Variants in ZRANB3 observed in about 807,000 individuals in gnomAD.
The protein encoded by ZRANB3 is zinc finger RANBP2-type containing 3, also known as DNA annealing helicase and endonuclease ZRANB3.
In ZRANB3, 125 loss-of-function variants were observed where a neutral mutation model predicts 133.8. The observed-to-expected ratio is 0.93, with a 90% CI of 0.81 to 1.08. The LOEUF (loss-of-function observed/expected upper bound fraction) is 1.08, where lower values mean the gene tolerates loss of function less well. Among genes scored for constraint, ZRANB3 ranks in the 50% least tolerant of loss-of-function variants. ZRANB3 has a pLI of 0.00. For synonymous variants in ZRANB3, 387 were observed against 432.7 expected (o/e 0.89, Z 1.31); for missense variants, 1,229 against 1,275.5 (o/e 0.96, Z 0.56).
chr2:135,510,855 T>C (rs1226289814), intron 1 of ZRANB3: 3 of 1,117,870 alleles, frequency 2.7e-6, no homozygotes, highest in South Asian at 2.5e-5. Context: ...CACGTTCCCA[T>C]AATTTTGAAA....
chr2:135,202,909 T>C lies in ZRANB3; in HGVS notation c.3064A>G (p.Ile1022Val). Reference protein sequence around the residue: ...GEGHFWQVDHIKPVYGGGGQC... With the variant: ...GEGHFWQVDHVKPVYGGGGQC... Reference sequence around the variant, plus strand: ...CCTCCTCCCCCATACACTGGCTTGATGTGATCCACCTGCCAGAAATGTCCT... The same window carrying C: ...CCTCCTCCCCCATACACTGGCTTGACGTGATCCACCTGCCAGAAATGTCCT... The change falls in exon 20 of 21, where the codon ATC becomes GTC. Residue 1022 changes from isoleucine (I) to valine (V), a missense_variant. Coordinates refer to ENST00000264159, the MANE Select transcript of ZRANB3 (RefSeq NM_032143.4). The C allele has an allele frequency of 6.2e-7, 1 of 1,612,638 alleles. No individual in the cohort carries two copies. The highest frequency in any genetic ancestry group is 1.1e-5 in the South Asian group (1 of 90,572).
At chr2:135,394,746 T>C (rs1057148888) in intron 2 of ZRANB3, among the ~76,000 whole-genome samples, 12 of 151,724 alleles carry the variant, frequency 7.9e-5, no homozygotes, top group African/African-American at 1.2e-4. Context: ...AAAAAAAGCC[T>C]TGGAGCACTA....
intron 2 of ZRANB3, among the ~76,000 whole-genome samples, chr2:135,496,540 A>G (rs1692679535): frequency 6.6e-6 from 1 of 152,188 alleles, no homozygotes; most frequent in African/African-American, 2.4e-5. Context: ...AAATATGCAA[A>G]TAAGTATGAC....
intron 8 of ZRANB3, among the ~76,000 whole-genome samples, chr2:135,281,340 T>C (rs1025345750): frequency 2.6e-5 from 4 of 152,086 alleles, no homozygotes; most frequent in Non-Finnish European, 5.9e-5. Flanking sequence ...TCGCATGACC[T>C]TTTAAGCTCT....
chr2:135,506,989 G>C (rs2104825584), intron 1 of ZRANB3, among the ~76,000 whole-genome samples: 1 of 152,266 alleles, frequency 6.6e-6, no homozygotes, highest in South Asian at 2.1e-4. Context: ...ACTTAGCAAG[G>C]AATAGAGAAT....
chr2:135,406,068 C>T (rs1031255683), intron 2 of ZRANB3, among the ~76,000 whole-genome samples: 4 of 152,044 alleles, frequency 2.6e-5, no homozygotes, highest in African/African-American at 9.7e-5. Flanking sequence ...AATTGATAGA[C>T]CGCTAGCAAG....
intron 1 of ZRANB3, among the ~76,000 whole-genome samples, chr2:135,521,534 A>AAAAT (rs148536168): frequency 2.6e-5 from 4 of 152,290 alleles, no homozygotes; most frequent in African/African-American, 9.6e-5. Context: ...CTTCGTCTCA[A>AAAAT]AAATAAATAA....
intron 15 of ZRANB3, 79 bp from the exon 16 acceptor site, chr2:135,219,257 T>G: frequency 1.1e-6 from 1 of 945,752 alleles, no homozygotes; most frequent in Non-Finnish European, 1.5e-6. Context: ...AATAATTACA[T>G]TATGACACAA....
intron 3 of ZRANB3, among the ~76,000 whole-genome samples, chr2:135,375,170 G>T (rs1164090680): frequency 2.0e-5 from 3 of 152,206 alleles, no homozygotes; most frequent in Non-Finnish European, 4.4e-5. Context: ...TCTTGGCCGG[G>T]TGCAGTGGCT....
chr2:135,328,624 T>G (rs971668064), intron 6 of ZRANB3, among the ~76,000 whole-genome samples: 1 of 152,200 alleles, frequency 6.6e-6, no homozygotes, highest in Non-Finnish European at 1.5e-5. Context: ...TCTAGATCCT[T>G]GAGGAATCGC....
At chr2:135,351,478 T>C (rs1428706508) in intron 4 of ZRANB3, among the ~76,000 whole-genome samples, 2 of 152,054 alleles carry the variant, frequency 1.3e-5, no homozygotes, top group African/African-American at 4.8e-5. Flanking sequence ...TCTGACCTTG[T>C]GATCCGCCCG....
At chr2:135,265,416 T>C (rs1232710555) in intron 12 of ZRANB3, 118 bp downstream of exon 12, 2 of 1,159,214 alleles carry the variant, frequency 1.7e-6, no homozygotes, top group Non-Finnish European at 1.2e-6. Context: ...TCCAGCTTTA[T>C]GTGAAGTCTC....
Position 135,386,963 on chromosome 2 carries a change from G to A in ZRANB3, c.180+3839C>T, listed in dbSNP as rs1479694830. Among the ~76,000 whole-genome samples, 10 of 150,476 alleles carry A rather than the reference G, an allele frequency of 6.6e-5. 1 individual carries two copies. Among genetic ancestry groups the A allele is most frequent in the South Asian group, 6.3e-4 (3 of 4,772 alleles). On this transcript the variant is annotated intron_variant, in intron 3 of 20. Coordinates refer to ENST00000264159, the MANE Select transcript of ZRANB3 (RefSeq NM_032143.4). ...TATGTAACAAACCTGCACGTTTTGC[G>A]CAGGTACCCTAGATCTTAAAGAATT...
At chr2:135,348,782 T>TG (rs1036607637) in intron 5 of ZRANB3, among the ~76,000 whole-genome samples, 22 of 152,054 alleles carry the variant, frequency 1.4e-4, no homozygotes, top group African/African-American at 5.3e-4. Flanking sequence ...TTAGTAAAGA[T>TG]GGGGTTTCAC....
At chr2:135,219,820 A>C (rs1319121636) in intron 15 of ZRANB3, among the ~76,000 whole-genome samples, 1 of 152,160 alleles carries the variant, frequency 6.6e-6, no homozygotes, top group Non-Finnish European at 1.5e-5. Flanking sequence ...CTGGAGAGTA[A>C]GTGGAACTGC....
intron 12 of ZRANB3, among the ~76,000 whole-genome samples, chr2:135,248,240 TG>T (rs1460145080): frequency 6.6e-6 from 1 of 152,194 alleles, no homozygotes; most frequent in African/African-American, 2.4e-5. Flanking sequence ...CCTCCAAGCC[TG>T]GGGCTCTAGC....
intron 14 of ZRANB3, 127 bp from the exon 15 acceptor site, chr2:135,224,644 G>A: frequency 1.7e-6 from 1 of 577,274 alleles, no homozygotes; most frequent in South Asian, 4.4e-5. Context: ...TTAACAAAAA[G>A]TAATTGTCTA....
At chr2:135,381,787 C>A (rs1024400851) in intron 3 of ZRANB3, among the ~76,000 whole-genome samples, 1 of 152,196 alleles carries the variant, frequency 6.6e-6, no homozygotes. Flanking sequence ...AGGGTCCTGA[C>A]TGTTAGAAGG....
intron 3 of ZRANB3, among the ~76,000 whole-genome samples, chr2:135,373,799 A>AGGGG: frequency 2.8e-3 from 1 of 354 alleles, no homozygotes; most frequent in African/African-American, 0.012. Context: ...AAAGAAAAGA[A>AGGGG]AGAGGGGAGG....
Sources: gnomAD v4.1 joint callset for allele counts (sites outside exome capture counted in the v4.1 genomes callset) on GRCh38, gnomAD v4.1.1 for gene constraint, MANE v1.5 for transcripts, NCBI Gene and HGNC (gene_info 2026-07-23, HGNC 2026-07-21) for gene names.